HPSE: variants seen among roughly 807,000 people sequenced by gnomAD.
HPSE encodes heparanase.
In HPSE, 48 loss-of-function variants were observed where a neutral mutation model predicts 65.1. The observed-to-expected ratio is 0.74, with a 90% CI of 0.58 to 0.94. The LOEUF (loss-of-function observed/expected upper bound fraction) is 0.94. Among genes scored for constraint, HPSE ranks in the 40% least tolerant of loss-of-function variants. The pLI is 0.00. For missense variants in HPSE, 644 were observed against 637.5 expected, an observed-to-expected ratio of 1.01 and a Z score of -0.11; for synonymous variants, 243 against 260.0, an observed-to-expected ratio of 0.93 and a Z score of 0.63.
rs1181767386 is a variant in HPSE, at chr4:83,321,308, G to GC, written c.373+910dup. ...CTCTGATTACTATTCTGTCAATTTA[G>GC]CCCCAATTACTGATGAATTGTTCTA... On this transcript the variant is annotated intron_variant, in intron 2 of 11. Transcript: ENST00000311412. 2.6e-5 allele frequency among the ~76,000 whole-genome samples: 4 copies of GC among 152,120 alleles called. No homozygotes were observed. In the East Asian group the frequency reaches 7.7e-4, roughly 29 times the overall value.
At position 83,296,631 on chromosome 4, in the gene HPSE, C is replaced by A. The variant is rs563489956; in HGVS notation, c.1473-1128G>T. Among the ~76,000 whole-genome samples, 3 of 149,516 alleles carry A rather than the reference C, an allele frequency of 2.0e-5. No homozygotes were observed. The South Asian group carries it at 6.3e-4, about 32-fold the overall frequency. ...CGGAGGTTGCAGTGAGCCGAGATTGCACCACTGCACTCCAGCCTGGTAGAG... is the reference window on the plus strand; with the variant it reads ...CGGAGGTTGCAGTGAGCCGAGATTGAACCACTGCACTCCAGCCTGGTAGAG... On this transcript the variant is annotated intron_variant, in intron 11 of 11. Transcript: ENST00000311412.
At chr4:83,295,692 G>A (rs4518235) in intron 11 of HPSE, among the ~76,000 whole-genome samples, 189 bp from the exon 12 acceptor site, 100,111 of 152,024 alleles carry the variant, frequency 0.66, 33,882 homozygotes, top group East Asian at 0.87. Context: ...ACAATGGCAG[G>A]GATGAGTAGT....
intron 1 of HPSE, among the ~76,000 whole-genome samples, chr4:83,332,302 C>T (rs1737404275): frequency 6.6e-6 from 1 of 152,214 alleles, no homozygotes; most frequent in Non-Finnish European, 1.5e-5. Flanking sequence ...GGAGATGGAC[C>T]CTCACACTCT....
At chr4:83,323,937 A>G (rs975636572) in intron 1 of HPSE, among the ~76,000 whole-genome samples, 7 of 152,130 alleles carry the variant, frequency 4.6e-5, no homozygotes, top group Non-Finnish European at 8.8e-5. Flanking sequence ...CCTGTCATAC[A>G]TTTCTGAAGT....
intron 1 of HPSE, among the ~76,000 whole-genome samples, chr4:83,332,809 G>C (rs529313098): frequency 3.3e-4 from 50 of 152,266 alleles, no homozygotes; most frequent in African/African-American, 9.9e-4. Context: ...ACCCCCATCT[G>C]TCCTTTCTTG....
At chr4:83,332,720 T>G (rs1737432165) in intron 1 of HPSE, among the ~76,000 whole-genome samples, 1 of 152,218 alleles carries the variant, frequency 6.6e-6, no homozygotes, top group Admixed American at 6.5e-5. Flanking sequence ...GCGGGGAGCT[T>G]GACTGCTGGG....
intron 9 of HPSE, among the ~76,000 whole-genome samples, chr4:83,303,005 A>T (rs916461683): frequency 6.6e-6 from 1 of 152,188 alleles, no homozygotes. Context: ...CTTAAAAAAA[A>T]ATTTATTTTA....
intron 1 of HPSE, among the ~76,000 whole-genome samples, chr4:83,331,152 C>T (rs1028801907): frequency 1.9e-4 from 29 of 151,362 alleles, no homozygotes; most frequent in Non-Finnish European, 3.7e-4. Flanking sequence ...TGCAGTGAGC[C>T]GAGGTAACGC....
At chr4:83,333,865 AAAAAG>A (rs757082483) in intron 1 of HPSE, among the ~76,000 whole-genome samples, 15 of 152,146 alleles carry the variant, frequency 9.9e-5, no homozygotes, top group Non-Finnish European at 1.5e-4. Context: ...AAAGAAAAGA[AAAAAG>A]AAAAAGAAAA....
chr4:83,302,071 T>C lies in HPSE; in HGVS notation c.1325+79A>G, dbSNP rs1431399091. ...TATACTTATGCAATGTATAGACACA[T>C]GCAACAGGGTGTTTGAGTAAAGTTA... On this transcript the variant is annotated intron_variant, in intron 10 of 11. Transcript: ENST00000311412. The C allele has an allele frequency of 7.1e-6, 6 of 847,664 alleles. No homozygotes were observed. The East Asian group carries it at 1.5e-4, about 21-fold the overall frequency. The allele number at this position is 847,664 out of a possible 1,614,324, so 52.5% of individuals were successfully genotyped here. A position where few individuals can be genotyped will look rare whatever the true frequency, so the allele number is the denominator to read the frequency against.
chr4:83,310,215 G>A (rs1178095619), intron 5 of HPSE, 137 bp from the exon 6 acceptor site: 2 of 598,658 alleles, frequency 3.3e-6, no homozygotes, highest in South Asian at 2.3e-5. Context: ...AATTTTGATA[G>A]CAAATTTTAT....
intron 1 of HPSE, among the ~76,000 whole-genome samples, chr4:83,325,812 A>G (rs1737128252): frequency 6.6e-6 from 1 of 152,198 alleles, no homozygotes; most frequent in African/African-American, 2.4e-5. Flanking sequence ...CCTTATCTAG[A>G]TTAAAGAGAG....
intron 1 of HPSE, among the ~76,000 whole-genome samples, chr4:83,327,618 G>C (rs1026833077): frequency 1.3e-5 from 2 of 152,200 alleles, no homozygotes; most frequent in African/African-American, 4.8e-5. Flanking sequence ...GGGCCTGCAG[G>C]TGTTTTTATT....
intron 11 of HPSE, among the ~76,000 whole-genome samples, chr4:83,298,968 A>G (rs1297740637): frequency 1.3e-5 from 2 of 152,200 alleles, no homozygotes; most frequent in African/African-American, 4.8e-5. Context: ...TAAAGACAGA[A>G]GAGTGTAAGT....
chr4:83,302,126 G>A, intron 10 of HPSE, 24 bp downstream of exon 10: 4 of 1,489,694 alleles, frequency 2.7e-6, no homozygotes, highest in Non-Finnish European at 2.8e-6. Context: ...TTGATGATTG[G>A]TAAAGGGTGT....
At chr4:83,316,886 T>G (rs1736670993) in intron 3 of HPSE, among the ~76,000 whole-genome samples, 1 of 151,838 alleles carries the variant, frequency 6.6e-6, no homozygotes, top group Non-Finnish European at 1.5e-5. Flanking sequence ...TGTTGTTGTT[T>G]TTTGTTTGTT....
chr4:83,303,971 T>C (rs1449507952), intron 9 of HPSE, among the ~76,000 whole-genome samples: 1 of 151,866 alleles, frequency 6.6e-6, no homozygotes, highest in Non-Finnish European at 1.5e-5. Context: ...CCTCCTACTC[T>C]TTAGTTCTTA....
Position 83,295,856 on chromosome 4 carries a change from T to A in HPSE, c.1473-353A>T, listed in dbSNP as rs564531709. 4.2e-4 allele frequency among the ~76,000 whole-genome samples: 64 copies of A among 152,308 alleles called. No homozygotes were observed. In the South Asian group the frequency reaches 5.0e-3, roughly 12 times the overall value. ...ACTTCTGGAATGGTGGCTATTTTAT[T>A]TAATGGCCAATAATTGAAACCTTTT... is the stretch of plus-strand genomic sequence containing the variant. On this transcript the variant is annotated intron_variant, in intron 11 of 11. Coordinates refer to ENST00000311412, the MANE Select transcript of HPSE (RefSeq NM_001098540.3).
Position 83,313,394 on chromosome 4 carries a change from T to C in HPSE, c.500-107A>G. 3.0e-6 allele frequency: 2 copies of C among 655,906 alleles called. 1 individual carries two copies. Among genetic ancestry groups the C allele is most frequent in the Non-Finnish European group, 5.0e-6 (2 of 401,660 alleles). The allele number at this position is 655,906 out of a possible 1,614,324, so 40.6% of individuals were successfully genotyped here. ...TATTTCTGTTGTTAAACTGAAGAAA[T>C]TCTAGTTCTAATAAATGATTATAAT... On this transcript the variant is annotated intron_variant, in intron 3 of 11. Coordinates refer to ENST00000311412, the MANE Select transcript of HPSE (RefSeq NM_001098540.3).
Sources: allele counts gnomAD v4.1 joint callset (sites outside exome capture counted in the v4.1 genomes callset), GRCh38; gene constraint gnomAD v4.1.1; transcripts MANE v1.5; gene names NCBI Gene and HGNC (gene_info 2026-07-23, HGNC 2026-07-21).